MACROD2: variants seen among roughly 807,000 people sequenced by gnomAD.
MACROD2 encodes ADP-ribose glycohydrolase MACROD2.
Under a neutral mutation model 70.4 loss-of-function variants are expected in MACROD2, and 36 were observed. That is an observed-to-expected ratio of 0.51 (90% CI 0.39 to 0.68). The LOEUF is 0.68. Ranked by LOEUF, MACROD2 falls within the 30% of genes least tolerant of loss-of-function variation. The pLI is 0.00. For missense variants in MACROD2, 496 were observed against 538.4 expected (o/e 0.92, Z 0.78); for synonymous variants, 172 against 178.8 (o/e 0.96, Z 0.30).
intron 5 of MACROD2, among the ~76,000 whole-genome samples, chr20:15,225,681 A>G (rs2076899677): frequency 6.6e-6 from 1 of 152,230 alleles, no homozygotes; most frequent in South Asian, 2.1e-4. Flanking sequence ...CCATATGCAT[A>G]CATGAAGGCC....
At chr20:15,207,659 T>A (rs1254189701) in intron 5 of MACROD2, among the ~76,000 whole-genome samples, 1 of 151,726 alleles carries the variant, frequency 6.6e-6, no homozygotes, top group African/African-American at 2.4e-5. Context: ...GCCAGGATGG[T>A]CTCAAACTCC....
At chr20:14,445,881 A>G (rs1446298674) in intron 3 of MACROD2, among the ~76,000 whole-genome samples, 4 of 152,150 alleles carry the variant, frequency 2.6e-5, no homozygotes, top group Non-Finnish European at 5.9e-5. Context: ...ATTTCTGATC[A>G]CTGGGCCTCT....
intron 4 of MACROD2, among the ~76,000 whole-genome samples, chr20:14,613,136 T>C (rs1251466190): frequency 6.6e-6 from 1 of 152,082 alleles, no homozygotes; most frequent in Non-Finnish European, 1.5e-5. Context: ...AGGGGTATAG[T>C]GGAAATTGTA....
At chr20:14,300,461 T>TTTG (rs373108589) in intron 3 of MACROD2, among the ~76,000 whole-genome samples, 35 of 152,104 alleles carry the variant, frequency 2.3e-4, no homozygotes, top group Middle Eastern at 3.2e-3. Context: ...CTCTTGGGTT[T>TTTG]TTGTTGTTGT....
At chr20:14,461,807 C>T (rs915795939) in intron 3 of MACROD2, among the ~76,000 whole-genome samples, 1 of 151,994 alleles carries the variant, frequency 6.6e-6, no homozygotes, top group African/African-American at 2.4e-5. Flanking sequence ...TTTCCAGCTT[C>T]ATCCATGTCT....
intron 3 of MACROD2, among the ~76,000 whole-genome samples, chr20:14,274,985 A>G (rs1420669140): frequency 2.0e-5 from 3 of 152,214 alleles, no homozygotes; most frequent in Admixed American, 6.5e-5. Context: ...CCAGCGCTCA[A>G]TGAAATAAAA....
At chr20:15,766,473 A>G (rs533629621) in intron 8 of MACROD2, among the ~76,000 whole-genome samples, 1 of 152,284 alleles carries the variant, frequency 6.6e-6, no homozygotes, top group South Asian at 2.1e-4. Flanking sequence ...TCCTTCTTCA[A>G]ACAAGTCTCT....
intron 3 of MACROD2, among the ~76,000 whole-genome samples, chr20:14,108,689 G>T (rs1209106039): frequency 1.3e-5 from 2 of 151,938 alleles, no homozygotes; most frequent in African/African-American, 4.8e-5. Context: ...AATGATAAAG[G>T]GGCCAATTCA....
At position 15,602,617 on chromosome 20, in the gene MACROD2, C is replaced by G. The variant is rs186331254; in HGVS notation, c.645+102770C>G. Among the ~76,000 whole-genome samples the G allele has an allele frequency of 9.9e-5, 15 of 152,266 alleles. No homozygotes were observed. The East Asian group carries it at 2.7e-3, about 27-fold the overall frequency. Reference sequence around the variant, plus strand: ...TATGAAGAATGTGCTAAATAATACTCTTTCCCTCCAAAAACATCATACAAA... The same window carrying G: ...TATGAAGAATGTGCTAAATAATACTGTTTCCCTCCAAAAACATCATACAAA... On this transcript the variant is annotated intron_variant, in intron 8 of 17. Transcript: ENST00000684519.
chr20:15,777,605 C>G (rs1327098232), intron 8 of MACROD2, among the ~76,000 whole-genome samples: 1 of 133,672 alleles, frequency 7.5e-6, no homozygotes, highest in East Asian at 2.4e-4. Flanking sequence ...TTCCTTCCCT[C>G]CCTCCCTCTC....
intron 4 of MACROD2, among the ~76,000 whole-genome samples, chr20:14,667,839 T>C (rs1568729029): frequency 6.6e-6 from 1 of 152,074 alleles, no homozygotes; most frequent in Non-Finnish European, 1.5e-5. Flanking sequence ...TTTTAAATTT[T>C]TAGTGGGTGA....
chr20:15,053,364 G>A (rs1471065056), intron 5 of MACROD2, among the ~76,000 whole-genome samples: 3 of 152,178 alleles, frequency 2.0e-5, no homozygotes, highest in Non-Finnish European at 4.4e-5. Context: ...TGAGTCTATT[G>A]TTAGGAGCTA....
chr20:15,468,212 T>C (rs1244075926), intron 7 of MACROD2, among the ~76,000 whole-genome samples: 1 of 152,032 alleles, frequency 6.6e-6, no homozygotes, highest in Non-Finnish European at 1.5e-5. Flanking sequence ...CAAAATTAGA[T>C]GCAGGACCCC....
At chr20:15,975,721 C>A (rs903470762) in intron 13 of MACROD2, among the ~76,000 whole-genome samples, 3 of 152,172 alleles carry the variant, frequency 2.0e-5, no homozygotes, top group Non-Finnish European at 4.4e-5. Flanking sequence ...AACTGGCTAT[C>A]CCTTAGTTAT....
In MACROD2 at chr20:15,021,083, T is replaced by C. The variant is rs111896939; in HGVS notation, c.419-208857T>C. Among the ~76,000 whole-genome samples the C allele has an allele frequency of 1.0e-3, 138 of 132,518 alleles. 6 individuals are homozygous for C. The highest frequency in any genetic ancestry group is 3.7e-3 in the African/African-American group (132 of 35,668). 86.9% of individuals were successfully genotyped at this position (132,518 alleles called of 152,430 possible). A position where few individuals can be genotyped will look rare whatever the true frequency, so the allele number is the denominator to read the frequency against. On this transcript the variant is annotated intron_variant, in intron 5 of 17. Transcript: ENST00000684519. The stretch of plus-strand genomic sequence containing the variant: ...ATATGTATACACATGTGTGTATGTG[T>C]ATACACGTGTATGTGTATACACGTG...
chr20:15,014,503 C>A (rs2075106525), intron 5 of MACROD2, among the ~76,000 whole-genome samples: 1 of 151,946 alleles, frequency 6.6e-6, no homozygotes, highest in South Asian at 2.1e-4. Context: ...GTTGGAGATG[C>A]TTTTAATAAC....
intron 4 of MACROD2, among the ~76,000 whole-genome samples, chr20:14,536,908 G>A (rs1193244462): frequency 6.6e-6 from 1 of 152,092 alleles, no homozygotes; most frequent in Non-Finnish European, 1.5e-5. Context: ...ACTGAATTCT[G>A]TCAAAATTCC....
intron 6 of MACROD2, among the ~76,000 whole-genome samples, chr20:15,422,936 AT>A (rs1051789900): frequency 6.6e-6 from 1 of 152,068 alleles, no homozygotes; most frequent in Non-Finnish European, 1.5e-5. Flanking sequence ...CTGCATTGGT[AT>A]TTTCCTAACT....
intron 6 of MACROD2, among the ~76,000 whole-genome samples, chr20:15,374,078 T>C (rs1236314079): frequency 6.6e-6 from 1 of 152,176 alleles, no homozygotes; most frequent in Non-Finnish European, 1.5e-5. Flanking sequence ...TATCTCATTC[T>C]CTATTCTCAT....
Sources: gnomAD v4.1 joint callset for allele counts (sites outside exome capture counted in the v4.1 genomes callset) on GRCh38, gnomAD v4.1.1 for gene constraint, MANE v1.5 for transcripts, NCBI Gene and HGNC (gene_info 2026-07-23, HGNC 2026-07-21) for gene names.